KLHL1: variants seen among roughly 807,000 people sequenced by gnomAD.
KLHL1 encodes kelch like family member 1.
Under a neutral mutation model 77.7 loss-of-function variants are expected in KLHL1, and 47 were observed. The ratio of observed to expected loss-of-function variants is 0.60; its 90% confidence interval spans 0.48 to 0.77. KLHL1 has a LOEUF of 0.77. Among genes scored for constraint, KLHL1 ranks in the 30% least tolerant of loss-of-function variants. The pLI is 0.00. For synonymous variants in KLHL1, 360 were observed against 325.2 expected (o/e 1.11, Z -1.15); for missense variants, 925 against 910.8 (o/e 1.02, Z -0.20).
intron 1 of KLHL1, among the ~76,000 whole-genome samples, chr13:70,085,030 A>G (rs975952670): frequency 6.6e-6 from 1 of 152,148 alleles, no homozygotes; most frequent in Non-Finnish European, 1.5e-5. Context: ...GATGACATGA[A>G]TATGGTAAAT....
At chr13:69,993,102 T>C (rs748523474) in intron 1 of KLHL1, among the ~76,000 whole-genome samples, 12 of 152,008 alleles carry the variant, frequency 7.9e-5, no homozygotes, top group Non-Finnish European at 1.3e-4. Flanking sequence ...TTCAATCTTA[T>C]ATTGAATGAA....
chr13:69,919,607 C>T (rs1007860165), intron 4 of KLHL1, among the ~76,000 whole-genome samples: 1 of 152,032 alleles, frequency 6.6e-6, no homozygotes, highest in African/African-American at 2.4e-5. Context: ...TATGGCCAGC[C>T]TTGTCCAGAG....
At chr13:69,948,600 T>A (rs79868856) in intron 3 of KLHL1, among the ~76,000 whole-genome samples, 1,555 of 152,080 alleles carry the variant, frequency 0.01, 26 homozygotes, top group African/African-American at 0.034. Flanking sequence ...TCCAAATATG[T>A]ATGAGTAGAC....
chr13:69,775,709 G>C (rs1284790530), intron 7 of KLHL1, among the ~76,000 whole-genome samples: 1 of 150,234 alleles, frequency 6.7e-6, no homozygotes, highest in Non-Finnish European at 1.5e-5. Flanking sequence ...TTTTGTTTTT[G>C]ATACAGTGTC....
At chr13:69,940,816 G>T (rs1030709879) in intron 3 of KLHL1, among the ~76,000 whole-genome samples, 4 of 129,170 alleles carry the variant, frequency 3.1e-5, no homozygotes, top group Non-Finnish European at 4.8e-5. Flanking sequence ...AAAAAAAAAG[G>T]CTCTTTAGTG....
At chr13:69,883,154 CATG>C (rs1452425300) in intron 4 of KLHL1, among the ~76,000 whole-genome samples, 1 of 152,190 alleles carries the variant, frequency 6.6e-6, no homozygotes, top group African/African-American at 2.4e-5. Flanking sequence ...CATCCTCTAT[CATG>C]ATGACAGAAT....
intron 4 of KLHL1, among the ~76,000 whole-genome samples, chr13:69,915,794 G>T (rs1416110122): frequency 6.6e-6 from 1 of 151,986 alleles, no homozygotes; most frequent in Admixed American, 6.6e-5. Flanking sequence ...ACTACCATCA[G>T]AGTGAAAAGG....
At chr13:70,073,494 A>C (rs1178930570) in intron 1 of KLHL1, among the ~76,000 whole-genome samples, 1 of 152,094 alleles carries the variant, frequency 6.6e-6, no homozygotes, top group Non-Finnish European at 1.5e-5. Context: ...CAAACATGTC[A>C]CATGTGTACA....
intron 1 of KLHL1, among the ~76,000 whole-genome samples, chr13:70,068,210 G>A (rs974371431): frequency 3.4e-4 from 52 of 151,974 alleles, no homozygotes; most frequent in African/African-American, 8.9e-4. Flanking sequence ...GCGTGGTGGC[G>A]GGCGCCTGTA....
intron 7 of KLHL1, among the ~76,000 whole-genome samples, chr13:69,783,399 C>G (rs1876335504): frequency 6.6e-6 from 1 of 152,040 alleles, no homozygotes; most frequent in African/African-American, 2.4e-5. Flanking sequence ...GAAATTCAAA[C>G]CAATGGCAAA....
At position 69,840,074 on chromosome 13, in the gene KLHL1, T is replaced by G. The variant is rs943511765; in HGVS notation, c.1228-912A>C. On this transcript the variant is annotated intron_variant, in intron 5 of 10. Coordinates refer to ENST00000377844, the MANE Select transcript of KLHL1 (RefSeq NM_020866.3). ...TGATAAAAAAATTGTACCACATCTGTACACAAATGTTCATTGAATGAATAA... is the reference window on the plus strand; with the variant it reads ...TGATAAAAAAATTGTACCACATCTGGACACAAATGTTCATTGAATGAATAA... Among the ~76,000 whole-genome samples, 4 of 151,646 alleles carry G rather than the reference T, an allele frequency of 2.6e-5. No homozygotes were observed. In the Middle Eastern group the frequency reaches 0.01, roughly 387 times the overall value.
intron 4 of KLHL1, among the ~76,000 whole-genome samples, chr13:69,890,001 T>C (rs1250600270): frequency 1.3e-5 from 2 of 152,088 alleles, no homozygotes; most frequent in Non-Finnish European, 2.9e-5. Flanking sequence ...TAATGTTTTA[T>C]GGGATTCTTT....
chr13:69,732,745 T>G (rs904670205), intron 8 of KLHL1, among the ~76,000 whole-genome samples: 1 of 151,770 alleles, frequency 6.6e-6, no homozygotes, highest in Non-Finnish European at 1.5e-5. Flanking sequence ...CAGACACACC[T>G]AGTTTGCGGT....
chr13:69,735,146 T>C (rs1300440271), intron 8 of KLHL1, among the ~76,000 whole-genome samples: 1 of 151,884 alleles, frequency 6.6e-6, no homozygotes, highest in African/African-American at 2.4e-5. Context: ...AAAACAATCA[T>C]CATCTTGACA....
At chr13:69,967,497 T>C (rs1005544351) in intron 2 of KLHL1, among the ~76,000 whole-genome samples, 11 of 152,134 alleles carry the variant, frequency 7.2e-5, no homozygotes, top group African/African-American at 2.2e-4. Flanking sequence ...AAGAGTTGCT[T>C]CTAATAGATG....
intron 7 of KLHL1, among the ~76,000 whole-genome samples, chr13:69,757,666 C>T (rs1874812480): frequency 6.6e-6 from 1 of 151,984 alleles, no homozygotes; most frequent in Admixed American, 6.6e-5. Context: ...AATAAGATCA[C>T]ATGTTGGCCT....
chr13:69,765,796 T>G (rs1194843751), intron 7 of KLHL1, among the ~76,000 whole-genome samples: 1 of 152,196 alleles, frequency 6.6e-6, no homozygotes, highest in Non-Finnish European at 1.5e-5. Context: ...CTCCGATCTG[T>G]TGCTAAACAG....
intron 1 of KLHL1, among the ~76,000 whole-genome samples, chr13:69,998,065 G>A (rs1476060070): frequency 6.6e-6 from 1 of 151,896 alleles, no homozygotes; most frequent in African/African-American, 2.4e-5. Flanking sequence ...TTTACACTAA[G>A]AAAAAGGCAC....
intron 6 of KLHL1, among the ~76,000 whole-genome samples, chr13:69,810,723 A>C (rs560522418): frequency 6.6e-6 from 1 of 152,122 alleles, no homozygotes; most frequent in East Asian, 1.9e-4. Context: ...GAATCAATGA[A>C]ACTAAAAGTT....
Sources: gnomAD v4.1 joint callset for allele counts (sites outside exome capture counted in the v4.1 genomes callset) on GRCh38, gnomAD v4.1.1 for gene constraint, MANE v1.5 for transcripts, NCBI Gene and HGNC (gene_info 2026-07-23, HGNC 2026-07-21) for gene names.